PLCL1: variants seen among roughly 807,000 people sequenced by gnomAD.
PLCL1 encodes inactive phospholipase C-like protein 1.
A neutral mutation model predicts 84.4 loss-of-function variants in PLCL1; 41 were observed. The ratio of observed to expected loss-of-function variants is 0.49; its 90% CI spans 0.38 to 0.63. The LOEUF is 0.63. Among genes scored for constraint, PLCL1 ranks in the 30% least tolerant of loss-of-function variants. PLCL1 has a pLI of 0.00. For missense variants in PLCL1, 1,206 were observed against 1,367.8 expected (o/e 0.88, Z 1.87); for synonymous variants, 490 against 488.3 (o/e 1.00, Z -0.05).
chr2:198,047,909 C>T (rs1249939967), intron 1 of PLCL1, among the ~76,000 whole-genome samples: 1 of 152,160 alleles, frequency 6.6e-6, no homozygotes, highest in Non-Finnish European at 1.5e-5. Context: ...AGTAGGTACG[C>T]TCCTTGCATA....
chr2:198,101,373 A>AT lies in PLCL1; in HGVS notation c.2995+13_2995+14insT. The AT allele has an allele frequency of 6.9e-7, 1 of 1,443,118 alleles. No individual in the cohort carries two copies. 89.4% of individuals were successfully genotyped at this position (1,443,118 alleles called of 1,614,324 possible). A position where few individuals can be genotyped will look rare whatever the true frequency, so the allele number is the denominator to read the frequency against. ...TGTCAGAAAGCAGGTAATTGTTTTT[A>AT]ATTTTTTTTTCTGTTTTTTTTTTCT... On this transcript the variant is annotated intron_variant, in intron 4 of 5. Transcript: ENST00000428675.
At chr2:197,922,428 G>A (rs866249446) in intron 1 of PLCL1, among the ~76,000 whole-genome samples, 22 of 106,978 alleles carry the variant, frequency 2.1e-4, no homozygotes, top group East Asian at 1.1e-3. Flanking sequence ...ACACAGACAC[G>A]GCAACCATCC....
chr2:197,923,156 G>T, intron 1 of PLCL1, among the ~76,000 whole-genome samples: 1 of 134,862 alleles, frequency 7.4e-6, no homozygotes, highest in South Asian at 2.6e-4. Context: ...AGGGGCGGCC[G>T]GGCAGAGGCG....
intron 5 of PLCL1, among the ~76,000 whole-genome samples, chr2:198,145,725 A>G (rs1321999127): frequency 6.6e-6 from 1 of 152,252 alleles, no homozygotes; most frequent in African/African-American, 2.4e-5. Context: ...GAAATAAAAT[A>G]TTCCAAGCTT....
chr2:197,886,278 G>A (rs1687920118), intron 1 of PLCL1, among the ~76,000 whole-genome samples: 1 of 151,636 alleles, frequency 6.6e-6, no homozygotes. Context: ...TGGGTGTGGT[G>A]GTACGTGCCT....
In PLCL1 at chr2:198,092,751, GA is replaced by G. The variant is rs574857108; in HGVS notation, c.2919+3695del. Among the ~76,000 whole-genome samples the G allele has an allele frequency of 5.3e-5, 8 of 152,112 alleles. No homozygotes were observed. The East Asian group carries it at 1.5e-3, about 29-fold the overall frequency. Reference sequence around the variant, plus strand: ...TTCCATCTTCCTGCTTAGAAGTATTGAAAAATACTTTGCTTGAACTTTTTAA... The same window carrying G: ...TTCCATCTTCCTGCTTAGAAGTATTGAAAATACTTTGCTTGAACTTTTTAA... On this transcript the variant is annotated intron_variant, in intron 3 of 5. Transcript: ENST00000428675.
intron 1 of PLCL1, among the ~76,000 whole-genome samples, chr2:197,882,746 G>A (rs138618917): frequency 6.6e-6 from 1 of 152,228 alleles, no homozygotes; most frequent in East Asian, 1.9e-4. Flanking sequence ...GTTAAAAGCA[G>A]CATTATGTAC....
At chr2:198,120,369 A>G (rs1392731490) in intron 5 of PLCL1, among the ~76,000 whole-genome samples, 2 of 152,010 alleles carry the variant, frequency 1.3e-5, no homozygotes, top group African/African-American at 4.8e-5. Context: ...CAATTAAATT[A>G]TTATTGACTA....
rs1457286816 is a variant in PLCL1 at position 198,088,906 on chromosome 2, A to C, written c.2764A>C (p.Ser922Arg). The change falls in exon 3 of 6, where the codon AGT becomes CGT. Residue 922 changes from serine (S) to arginine (R), a missense_variant. Physicochemically the swap from Ser to Arg is moderately radical, Grantham distance 110. Transcript: ENST00000428675. Reference protein sequence around the residue: ...KELCGLPPIASLKQCLLTLSS... With the variant: ...KELCGLPPIARLKQCLLTLSS... ...ACTATGTGGACTCCCTCCAATTGCC[A>C]GTCTGAAGCAGTGCCTGTTAACTCT... The C allele has an allele frequency of 6.2e-7, 1 of 1,612,950 alleles. No homozygotes were observed. Among genetic ancestry groups the C allele is most frequent in the East Asian group, 2.2e-5 (1 of 44,886 alleles).
At chr2:197,970,126 A>C (rs2105796542) in intron 1 of PLCL1, among the ~76,000 whole-genome samples, 1 of 152,330 alleles carries the variant, frequency 6.6e-6, no homozygotes, top group Non-Finnish European at 1.5e-5. Context: ...TTATAGAGAA[A>C]AGAAATTTAT....
chr2:197,925,108 T>A (rs1466515173), intron 1 of PLCL1, among the ~76,000 whole-genome samples: 1 of 152,202 alleles, frequency 6.6e-6, no homozygotes, highest in Non-Finnish European at 1.5e-5. Context: ...TTCTCAATAA[T>A]CTTGAATTTA....
chr2:198,065,035 C>T (rs1692291300), intron 1 of PLCL1, among the ~76,000 whole-genome samples: 1 of 152,108 alleles, frequency 6.6e-6, no homozygotes, highest in Admixed American at 6.5e-5. Context: ...TGCAAATACA[C>T]AAACCTACAT....
At chr2:198,142,210 G>C (rs1409264419) in intron 5 of PLCL1, among the ~76,000 whole-genome samples, 1 of 152,046 alleles carries the variant, frequency 6.6e-6, no homozygotes, top group Non-Finnish European at 1.5e-5. Context: ...TGGGTTATAA[G>C]ATATATTACT....
chr2:197,986,866 T>G (rs1209371820), intron 1 of PLCL1, among the ~76,000 whole-genome samples: 4 of 152,318 alleles, frequency 2.6e-5, no homozygotes, highest in Middle Eastern at 6.8e-3. Flanking sequence ...TTACACAATT[T>G]TATTCAAATA....
chr2:197,915,022 C>T lies in PLCL1; in HGVS notation c.240+109683C>T, dbSNP rs562951974. Among the ~76,000 whole-genome samples the T allele has an allele frequency of 4.6e-5, 7 of 152,234 alleles. No homozygotes were observed. In the East Asian group the frequency reaches 9.7e-4, roughly 21 times the overall value. Reference sequence around the variant, plus strand: ...TGGATAAAGAAGCATTTATTTAAAACGTTGTCAGGGACATGGAGCTCTTCC... The same window carrying T: ...TGGATAAAGAAGCATTTATTTAAAATGTTGTCAGGGACATGGAGCTCTTCC... On this transcript the variant is annotated intron_variant, in intron 1 of 5. Transcript: ENST00000428675.
intron 1 of PLCL1, among the ~76,000 whole-genome samples, chr2:197,997,789 C>G (rs1690502447): frequency 6.6e-6 from 1 of 152,134 alleles, no homozygotes; most frequent in South Asian, 2.1e-4. Flanking sequence ...GAGAGAGGGC[C>G]TTACCTTGTG....
At chr2:197,824,929 G>C (rs539422906) in intron 1 of PLCL1, among the ~76,000 whole-genome samples, 2 of 152,154 alleles carry the variant, frequency 1.3e-5, no homozygotes, top group Admixed American at 6.6e-5. Context: ...TTAAGGAAAG[G>C]GGTGAACCAT....
At chr2:197,887,499 T>C (rs747586966) in intron 1 of PLCL1, among the ~76,000 whole-genome samples, 1 of 152,214 alleles carries the variant, frequency 6.6e-6, no homozygotes, top group Admixed American at 6.5e-5. Context: ...CAAAAAACTT[T>C]TAACACATGC....
At chr2:197,862,721 A>G (rs1304466023) in intron 1 of PLCL1, among the ~76,000 whole-genome samples, 1 of 152,130 alleles carries the variant, frequency 6.6e-6, no homozygotes, top group Non-Finnish European at 1.5e-5. Context: ...TCTCAGGAAA[A>G]TGCCTGAGAT....
Sources: allele counts gnomAD v4.1 joint callset (sites outside exome capture counted in the v4.1 genomes callset), GRCh38; gene constraint gnomAD v4.1.1; transcripts MANE v1.5; gene names NCBI Gene and HGNC (gene_info 2026-07-23, HGNC 2026-07-21).